TBX5: variants seen among roughly 807,000 people sequenced by gnomAD.
The protein encoded by TBX5 is T-box transcription factor TBX5.
TBX5 carries 8 observed loss-of-function variants against 51.1 expected under a neutral mutation model. That is an observed-to-expected ratio of 0.16 (90% CI 0.09 to 0.28). The LOEUF (loss-of-function observed/expected upper bound fraction) is 0.28. Among genes scored for constraint, TBX5 ranks in the 10% least tolerant of loss-of-function variants. The pLI is 1.00. For missense variants in TBX5, 589 were observed against 671.7 expected (o/e 0.88, Z 1.36); for synonymous variants, 302 against 266.4 (o/e 1.13, Z -1.30).
chr12:114,360,815 T>A (rs1299114283), intron 8 of TBX5, among the ~76,000 whole-genome samples: 1 of 152,028 alleles, frequency 6.6e-6, no homozygotes, highest in Non-Finnish European at 1.5e-5. Context: ...GTTTTTGTTG[T>A]TGTTGTTATT....
intron 4 of TBX5, 67 bp downstream of exon 4, chr12:114,399,446 T>C: frequency 1.9e-6 from 3 of 1,612,006 alleles, no homozygotes; most frequent in Non-Finnish European, 2.5e-6. Flanking sequence ...TGATACAACT[T>C]TTCAACTTTT....
intron 6 of TBX5, among the ~76,000 whole-genome samples, chr12:114,385,934 T>A (rs1870791336): frequency 6.6e-6 from 1 of 152,148 alleles, no homozygotes; most frequent in Non-Finnish European, 1.5e-5. Flanking sequence ...GCTGTGCATG[T>A]TGACATGATC....
At chr12:114,369,909 C>A (rs1047269107) in intron 7 of TBX5, among the ~76,000 whole-genome samples, 1 of 151,978 alleles carries the variant, frequency 6.6e-6, no homozygotes, top group Admixed American at 6.6e-5. Context: ...CTGATTTGAT[C>A]CTGGCAAGAA....
intron 7 of TBX5, among the ~76,000 whole-genome samples, chr12:114,371,993 A>G (rs956738020): frequency 1.3e-5 from 2 of 152,148 alleles, no homozygotes; most frequent in African/African-American, 4.8e-5. Flanking sequence ...CATGTTGCTG[A>G]TGAGAATAAG....
intron 8 of TBX5, among the ~76,000 whole-genome samples, chr12:114,357,187 C>T (rs1021411570): frequency 2.0e-5 from 3 of 152,144 alleles, no homozygotes; most frequent in African/African-American, 7.2e-5. Context: ...CCTTCCCTTC[C>T]CTGTGTACTA....
chr12:114,361,427 C>T (rs561645543), intron 8 of TBX5, among the ~76,000 whole-genome samples: 10 of 152,200 alleles, frequency 6.6e-5, no homozygotes, highest in South Asian at 4.2e-4. Flanking sequence ...GTTTCTAATG[C>T]GAGTGGGGGT....
At chr12:114,404,185 C>T (rs1016444034) in intron 1 of TBX5, among the ~76,000 whole-genome samples, 2 of 152,068 alleles carry the variant, frequency 1.3e-5, no homozygotes, top group African/African-American at 4.8e-5. Flanking sequence ...CGCGTCAGAC[C>T]CGGAGAAGGT....
chr12:114,403,129 T>C (rs745713287), intron 2 of TBX5, among the ~76,000 whole-genome samples: 17 of 152,240 alleles, frequency 1.1e-4, no homozygotes, highest in Non-Finnish European at 1.9e-4. Context: ...GCCCAGGTTG[T>C]AGCCTGGCGA....
chr12:114,387,687 T>A (rs1870893410), intron 6 of TBX5, among the ~76,000 whole-genome samples: 1 of 152,182 alleles, frequency 6.6e-6, no homozygotes, highest in Admixed American at 6.5e-5. Context: ...TGTGTCAGTG[T>A]AGGCTCATCA....
intron 3 of TBX5, among the ~76,000 whole-genome samples, chr12:114,400,039 C>G (rs1307723832): frequency 6.6e-6 from 1 of 152,184 alleles, no homozygotes; most frequent in East Asian, 1.9e-4. Flanking sequence ...GAGGATCTGT[C>G]TAGCCAGGTG....
chr12:114,359,376 C>T (rs1319227870), intron 8 of TBX5, among the ~76,000 whole-genome samples: 5 of 152,018 alleles, frequency 3.3e-5, no homozygotes, highest in African/African-American at 9.7e-5. Flanking sequence ...TCTTTTTTCT[C>T]TTCTTTGAGA....
At chr12:114,370,638 C>CCTCT (rs142620191) in intron 7 of TBX5, among the ~76,000 whole-genome samples, 13,562 of 146,766 alleles carry the variant, frequency 0.092, 1,161 homozygotes, top group African/African-American at 0.23. Context: ...ATGATCTCTC[C>CCTCT]CTCTCTCTCT....
upstream of TBX5, chr12:114,406,200 TCC>T (rs1358685531): frequency 7.6e-6 from 1 of 131,386 alleles, no homozygotes; most frequent in African/African-American, 3.9e-5. Context: ...CCCTTCTCTC[TCC>T]CTCCCACCCT....
At chr12:114,384,914 T>C (rs11067096) in intron 7 of TBX5, among the ~76,000 whole-genome samples, 4,079 of 152,258 alleles carry the variant, frequency 0.027, 121 homozygotes, top group East Asian at 0.15. Flanking sequence ...ACTATGTACA[T>C]TTGCTACAGC....
chr12:114,407,093 G>T (rs1316890303), upstream of TBX5: 1 of 985,268 alleles, frequency 1.0e-6, no homozygotes, highest in Non-Finnish European at 1.2e-6. Context: ...GAGGAGAAAT[G>T]CCCCGAGGTC....
chr12:114,403,102 C>G (rs915445696), intron 2 of TBX5, among the ~76,000 whole-genome samples: 25 of 152,398 alleles, frequency 1.6e-4, no homozygotes, highest in Middle Eastern at 6.8e-3. Flanking sequence ...CAAGGTGAGG[C>G]TCCTCCCTCT....
intron 7 of TBX5, among the ~76,000 whole-genome samples, chr12:114,376,694 T>C (rs1870210064): frequency 6.6e-6 from 1 of 151,130 alleles, no homozygotes; most frequent in South Asian, 2.1e-4. Context: ...GAAAATAAAA[T>C]GGTAACTATA....
intron 8 of TBX5, among the ~76,000 whole-genome samples, chr12:114,359,487 G>A (rs1013596320): frequency 1.1e-4 from 16 of 152,182 alleles, no homozygotes; most frequent in African/African-American, 3.9e-4. Context: ...GTCTTCTGAT[G>A]AGATGAGTCC....
chr12:114,378,654 G>A (rs943858923), intron 7 of TBX5, among the ~76,000 whole-genome samples: 2 of 150,724 alleles, frequency 1.3e-5, no homozygotes, highest in African/African-American at 2.4e-5. Flanking sequence ...TGTTTTTTTC[G>A]AGACGGAGTT....
Sources: gnomAD v4.1 joint callset for allele counts (sites outside exome capture counted in the v4.1 genomes callset) on GRCh38, gnomAD v4.1.1 for gene constraint, MANE v1.5 for transcripts, NCBI Gene and HGNC (gene_info 2026-07-23, HGNC 2026-07-21) for gene names.